The following IWS1 variants were observed in gnomAD, a reference collection of about 807,000 sequenced individuals.
The protein encoded by IWS1 is interacts with SUPT6H, CTD assembly factor 1.
Under a neutral mutation model 86.7 loss-of-function variants are expected in IWS1, and 27 were observed. That is an observed-to-expected ratio of 0.31 (90% confidence interval 0.23 to 0.43). The LOEUF (loss-of-function observed/expected upper bound fraction) is 0.43, where lower values mean the gene tolerates loss of function less well. Ranked by LOEUF, IWS1 falls within the 20% of genes least tolerant of loss-of-function variation. IWS1 has a pLI of 1.00. For synonymous variants in IWS1, 313 were observed against 335.1 expected (o/e 0.93, Z 0.72); for missense variants, 827 against 1,000.8 (o/e 0.83, Z 2.34).
chr2:127,516,629 T>C (rs1242401164), intron 2 of IWS1, among the ~76,000 whole-genome samples: 10 of 152,036 alleles, frequency 6.6e-5, no homozygotes, highest in East Asian at 1.9e-4. Flanking sequence ...GGCATGATGG[T>C]ACGCAACTGT....
Position 127,498,205 on chromosome 2 carries a change from T to C in IWS1, c.1500A>G (p.Lys500=). The change falls in exon 6 of 14, where the codon AAA becomes AAG. Residue 500 remains lysine (K), a synonymous_variant. Coordinates refer to ENST00000295321, the MANE Select transcript of IWS1 (RefSeq NM_017969.3). ...CTGCTTCTTTTACCTGTGTTTCACC[T>C]TTTTCTTCTTCCAGATCTTCTTGGT... The part of the protein sequence containing the change: ...GFNQEDLEEE[K]GETQVKEAED... 1 of 1,588,008 alleles carries C rather than the reference T, an allele frequency of 6.3e-7. No homozygotes were observed. Among genetic ancestry groups the C allele is most frequent in the Non-Finnish European group, 8.6e-7 (1 of 1,156,616 alleles).
At chr2:127,483,888 A>T (rs1280240548) in intron 13 of IWS1, among the ~76,000 whole-genome samples, 1 of 152,172 alleles carries the variant, frequency 6.6e-6, no homozygotes, top group African/African-American at 2.4e-5. Context: ...TAGAAAAAAG[A>T]CAACAAATAC....
intron 13 of IWS1, among the ~76,000 whole-genome samples, chr2:127,483,598 G>GGGGGGGGT (rs1689763605): frequency 4.6e-5 from 1 of 21,822 alleles, no homozygotes; most frequent in Non-Finnish European, 1.2e-4. Context: ...GGGTGGGGGG[G>GGGGGGGGT]TTGGGCTGTG....
chr2:127,520,529 T>C (rs527663816), intron 2 of IWS1, among the ~76,000 whole-genome samples: 2 of 152,160 alleles, frequency 1.3e-5, no homozygotes, highest in African/African-American at 4.8e-5. Context: ...TAAAAAAAAA[T>C]GTTTAATGAG....
Position 127,489,893 on chromosome 2 carries a change from T to A in IWS1, c.2098A>T (p.Thr700Ser). The A allele has an allele frequency of 6.2e-7, 1 of 1,613,106 alleles. No individual in the cohort carries two copies. Among genetic ancestry groups the A allele is most frequent in the African/African-American group, 1.3e-5 (1 of 75,034 alleles). The change falls in exon 11 of 14, where the codon ACA (threonine) becomes TCA (serine). Residue 700 changes from threonine (T) to serine (S), a missense_variant. Transcript: ENST00000295321. The surrounding 1 kb of genome is among the most constrained non-coding windows in gnomAD (Gnocchi z 4.8). ...FGLTSNYKGM[T>S]REEREQRDLE... is the part of the protein sequence containing the mutation. ...TCTCTCTGCTCCCTTTCTTCTCTTG[T>A]CATTCCTTTGTAGTTTGAGGTAAGA...
intron 7 of IWS1, among the ~76,000 whole-genome samples, chr2:127,495,694 T>C (rs1690477400): frequency 6.6e-6 from 1 of 152,236 alleles, no homozygotes; most frequent in South Asian, 2.1e-4. Context: ...ACACCTTTTA[T>C]ATATGAAGAA....
chr2:127,510,665 T>C (rs538193594), intron 2 of IWS1, among the ~76,000 whole-genome samples: 1 of 152,234 alleles, frequency 6.6e-6, no homozygotes, highest in East Asian at 1.9e-4. Flanking sequence ...GATAATTTTT[T>C]TTTTTTTTGT....
chr2:127,506,276 G>A (rs1026388422), intron 2 of IWS1, among the ~76,000 whole-genome samples: 3 of 152,248 alleles, frequency 2.0e-5, no homozygotes, highest in Admixed American at 6.5e-5. Context: ...GCTGAGGCAG[G>A]AGAATCACTT....
At chr2:127,500,757 T>C (rs1344946850) in intron 5 of IWS1, among the ~76,000 whole-genome samples, 1 of 152,188 alleles carries the variant, frequency 6.6e-6, no homozygotes, top group Non-Finnish European at 1.5e-5. Context: ...TTTTACCATG[T>C]AATACTTTCT....
chr2:127,509,707 C>CAAAA (rs34526019), intron 2 of IWS1, among the ~76,000 whole-genome samples: 13 of 55,410 alleles, frequency 2.3e-4, no homozygotes, highest in African/African-American at 5.1e-4. Flanking sequence ...CACTCCATCT[C>CAAAA]AAAAAAAAAA....
At chr2:127,490,438 C>A (rs1370835964) in intron 10 of IWS1, among the ~76,000 whole-genome samples, 14 of 152,152 alleles carry the variant, frequency 9.2e-5, no homozygotes, top group Non-Finnish European at 1.2e-4. Context: ...TTCATTAAGT[C>A]TAACATAGCT....
intron 2 of IWS1, among the ~76,000 whole-genome samples, chr2:127,523,004 GT>G (rs1170289280): frequency 6.6e-6 from 1 of 152,202 alleles, no homozygotes; most frequent in African/African-American, 2.4e-5. Flanking sequence ...GAGGTCAGGA[GT>G]TTGAGATCAG....
intron 2 of IWS1, among the ~76,000 whole-genome samples, chr2:127,513,341 G>A (rs139868879): frequency 1.3e-3 from 197 of 152,338 alleles, no homozygotes; most frequent in Non-Finnish European, 2.3e-3. Flanking sequence ...TATCCAGGCT[G>A]CACATGAGGT....
intron 2 of IWS1, among the ~76,000 whole-genome samples, chr2:127,506,508 A>C (rs1459528055): frequency 6.6e-6 from 1 of 152,226 alleles, no homozygotes; most frequent in Non-Finnish European, 1.5e-5. Flanking sequence ...ATAAAATTTA[A>C]TTTTATTTAA....
chr2:127,494,817 G>C (rs1690429796), intron 8 of IWS1, 55 bp downstream of exon 8: 1 of 1,013,232 alleles, frequency 9.9e-7, no homozygotes. Context: ...TACATCATTT[G>C]AATTATCATT....
chr2:127,523,171 C>T (rs1023201591), intron 2 of IWS1, among the ~76,000 whole-genome samples: 1 of 152,162 alleles, frequency 6.6e-6, no homozygotes, highest in African/African-American at 2.4e-5. Flanking sequence ...GGTCTCACCA[C>T]TGTACTCCAG....
rs116247788 is a variant in IWS1, at chr2:127,500,671, T to C, written c.1467+2144A>G. ...TGGTTTTTAAGATCCTGTCTGGCAA[T>C]TGTTGTCCTTTAACTGGAATATTTA... On this transcript the variant is annotated intron_variant, in intron 5 of 13. Transcript: ENST00000295321. Among the ~76,000 whole-genome samples the C allele has an allele frequency of 7.5e-3, 1,147 of 152,334 alleles. 12 individuals are homozygous for C. The highest frequency in any genetic ancestry group is 0.027 in the African/African-American group (1,107 of 41,584).
chr2:127,494,767 G>A (rs111372473), intron 8 of IWS1, 105 bp downstream of exon 8: 26 of 554,996 alleles, frequency 4.7e-5, no homozygotes, highest in Middle Eastern at 9.0e-4. Context: ...TCTGTGAACC[G>A]ATAGAAGTCT....
chr2:127,523,989 C>T (rs1034405716), intron 1 of IWS1, among the ~76,000 whole-genome samples, 198 bp from the exon 2 acceptor site: 5 of 152,174 alleles, frequency 3.3e-5, no homozygotes, highest in Admixed American at 6.5e-5. Context: ...CTGTGAAATA[C>T]GTGGCAGCAA....
Sources: gnomAD v4.1 joint callset for allele counts (sites outside exome capture counted in the v4.1 genomes callset) on GRCh38, gnomAD v4.1.1 for gene constraint, Gnocchi (gnomAD v3.1) non-coding constraint, MANE v1.5 for transcripts, NCBI Gene and HGNC (gene_info 2026-07-23, HGNC 2026-07-21) for gene names.